PRSS23: variants seen among roughly 807,000 people sequenced by gnomAD.
PRSS23 encodes serine protease 23, also known as protease, serine 23.
A neutral mutation model predicts 34.7 loss-of-function variants in PRSS23; 25 were observed. That is an observed-to-expected ratio of 0.72 (90% CI 0.53 to 1.01). PRSS23 has a LOEUF of 1.01. Ranked by LOEUF, PRSS23 falls within the 50% of genes least tolerant of loss-of-function variation. The pLI, the probability that PRSS23 is intolerant of heterozygous loss-of-function variation, is 0.00. For synonymous variants in PRSS23, 176 were observed against 186.6 expected (o/e 0.94, Z 0.46); for missense variants, 445 against 475.6 (o/e 0.94, Z 0.60).
intron 2 of PRSS23, among the ~76,000 whole-genome samples, chr11:86,828,321 G>A (rs1211389740): frequency 6.6e-6 from 1 of 151,476 alleles, no homozygotes; most frequent in Admixed American, 6.6e-5. Context: ...TGCAACCCCT[G>A]CCTTTTTTTG....
intron 2 of PRSS23, chr11:86,833,359 A>G (rs565928384): frequency 1.2e-6 from 1 of 844,216 alleles, no homozygotes; most frequent in Non-Finnish European, 2.0e-6. Flanking sequence ...GACTAGGTAC[A>G]TGAACAGGAA....
chr11:86,839,522 C>T (rs1948431779), intron 2 of PRSS23, among the ~76,000 whole-genome samples: 1 of 152,144 alleles, frequency 6.6e-6, no homozygotes, highest in Non-Finnish European at 1.5e-5. Context: ...AGTTAGAAAA[C>T]ACTCTTCAGG....
chr11:86,876,137 A>G (rs1429540164), intron 2 of PRSS23, among the ~76,000 whole-genome samples: 1 of 152,212 alleles, frequency 6.6e-6, no homozygotes, highest in African/African-American at 2.4e-5. Context: ...GAATTAGAAT[A>G]ATAAATATAA....
At chr11:86,900,105 C>T (rs962720493) in intron 2 of PRSS23, among the ~76,000 whole-genome samples, 1 of 152,198 alleles carries the variant, frequency 6.6e-6, no homozygotes, top group South Asian at 2.1e-4. Context: ...ACCTGAAGGA[C>T]ATGTTTCCTG....
At chr11:86,930,503 T>G (rs2135014927) in intron 2 of PRSS23, among the ~76,000 whole-genome samples, 1 of 152,222 alleles carries the variant, frequency 6.6e-6, no homozygotes, top group South Asian at 2.1e-4. Context: ...GAAGAATGGC[T>G]GACCAGGGCC....
chr11:86,899,284 T>C (rs896163675), intron 2 of PRSS23, among the ~76,000 whole-genome samples: 1 of 152,100 alleles, frequency 6.6e-6, no homozygotes, highest in Admixed American at 6.6e-5. Flanking sequence ...TTTGGGAGGC[T>C]GAAGGGGGCA....
chr11:86,939,788 T>TG (rs1198243240), intron 2 of PRSS23, among the ~76,000 whole-genome samples: 2 of 71,162 alleles, frequency 2.8e-5, no homozygotes, highest in Admixed American at 1.6e-4. Context: ...AAGGGGTGGG[T>TG]GGGGGGGACA....
At chr11:86,835,899 G>C (rs1257479238) in intron 2 of PRSS23, among the ~76,000 whole-genome samples, 5 of 152,150 alleles carry the variant, frequency 3.3e-5, no homozygotes, top group African/African-American at 1.2e-4. Context: ...GAGTGTCCAG[G>C]TATGAGAATT....
intron 1 of PRSS23, among the ~76,000 whole-genome samples, chr11:86,802,085 A>G (rs1483129623): frequency 6.6e-6 from 1 of 152,206 alleles, no homozygotes; most frequent in Non-Finnish European, 1.5e-5. Context: ...CCAGTCTGCA[A>G]TGGTTAATAG....
intron 2 of PRSS23, among the ~76,000 whole-genome samples, chr11:86,932,481 T>A (rs1263064878): frequency 1.3e-5 from 2 of 152,150 alleles, no homozygotes; most frequent in African/African-American, 4.8e-5. Flanking sequence ...ACATGGGGGC[T>A]GCTTGCAAGC....
intron 2 of PRSS23, chr11:86,945,580 C>A (rs1723490511): frequency 6.6e-6 from 1 of 152,288 alleles, no homozygotes; most frequent in Admixed American, 6.5e-5. Context: ...AGTTCCCAAT[C>A]TGCCCTACAA....
intron 2 of PRSS23, chr11:86,857,840 TG>T: frequency 1.7e-6 from 1 of 578,954 alleles, no homozygotes; most frequent in East Asian, 5.3e-5. Context: ...AAGAAGTACA[TG>T]GGGGTGTGGA....
At chr11:86,932,397 G>A (rs1339853032) in intron 2 of PRSS23, among the ~76,000 whole-genome samples, 1 of 152,108 alleles carries the variant, frequency 6.6e-6, no homozygotes, top group Admixed American at 6.6e-5. Context: ...CCTGAAGCAG[G>A]GGCCATCACC....
intron 2 of PRSS23, among the ~76,000 whole-genome samples, chr11:86,880,966 G>T (rs915285070): frequency 2.0e-5 from 3 of 152,086 alleles, no homozygotes; most frequent in African/African-American, 7.2e-5. Flanking sequence ...TTTTCTGTAC[G>T]CAATATGATG....
At chr11:86,861,463 T>C (rs966457099) in intron 2 of PRSS23, among the ~76,000 whole-genome samples, 2 of 151,610 alleles carry the variant, frequency 1.3e-5, no homozygotes, top group African/African-American at 4.9e-5. Context: ...GTATTATCGG[T>C]GGGGAAGTGT....
rs562971979 is a variant in PRSS23, at chr11:86,826,694, T to C, written c.206+3101T>C. Among the ~76,000 whole-genome samples, 16 of 152,362 alleles carry C rather than the reference T, an allele frequency of 1.1e-4. No individual in the cohort carries two copies. In the Middle Eastern group the frequency reaches 0.01, roughly 97 times the overall value. ...CAATACCTAATTTATTGAGAGTTTT[T>C]AGCATGAAGCATTGTTGAATTTTGT... On this transcript the variant is annotated intron_variant, in intron 2 of 2. Coordinates refer to the PRSS23 transcript ENST00000533902.
chr11:86,850,404 A>G (rs1948520069), intron 2 of PRSS23, among the ~76,000 whole-genome samples: 1 of 151,966 alleles, frequency 6.6e-6, no homozygotes, highest in Non-Finnish European at 1.5e-5. Flanking sequence ...GGGGTGTCCT[A>G]TTTACAGGGG....
intron 1 of PRSS23, among the ~76,000 whole-genome samples, chr11:86,793,366 T>C (rs904317191): frequency 1.3e-5 from 2 of 152,198 alleles, no homozygotes; most frequent in African/African-American, 4.8e-5. Flanking sequence ...GGGGACTCCA[T>C]GGTAGAGCAA....
chr11:86,912,277 T>C (rs1948983216), intron 2 of PRSS23: 1 of 152,236 alleles, frequency 6.6e-6, no homozygotes, highest in Admixed American at 6.5e-5. Context: ...ACTTACCCTA[T>C]TGGAGATTCA....
Sources: gnomAD v4.1 joint callset for allele counts (sites outside exome capture counted in the v4.1 genomes callset) on GRCh38, gnomAD v4.1.1 for gene constraint, MANE v1.5 for transcripts, NCBI Gene and HGNC (gene_info 2026-07-23, HGNC 2026-07-21) for gene names.